The following DOCK9 variants were observed in gnomAD, a reference collection of about 807,000 sequenced individuals.
DOCK9 encodes dedicator of cytokinesis protein 9.
In DOCK9, 89 loss-of-function variants were observed where a neutral mutation model predicts 263.3. That is an observed-to-expected ratio of 0.34 (90% CI 0.28 to 0.40). The LOEUF is 0.40. Among genes scored for constraint, DOCK9 ranks in the 10% least tolerant of loss-of-function variants. DOCK9 has a pLI of 1.00. For missense variants in DOCK9, 2,140 were observed against 2,603.4 expected (o/e 0.82, Z 3.87); for synonymous variants, 976 against 973.1 (o/e 1.00, Z -0.06).
intron 45 of DOCK9, among the ~76,000 whole-genome samples, chr13:98,817,735 G>A (rs1424475705): frequency 7.5e-6 from 1 of 134,018 alleles, no homozygotes; most frequent in Non-Finnish European, 1.5e-5. Flanking sequence ...ACATGATACA[G>A]ATAATTGAGT....
chr13:98,819,316 T>C (rs1256513556), intron 45 of DOCK9, among the ~76,000 whole-genome samples: 1 of 152,214 alleles, frequency 6.6e-6, no homozygotes, highest in Non-Finnish European at 1.5e-5. Context: ...ATTCCTGAAC[T>C]AGCACACGGC....
At chr13:98,898,929 C>A (rs1254895232) in intron 13 of DOCK9, among the ~76,000 whole-genome samples, 2 of 152,006 alleles carry the variant, frequency 1.3e-5, no homozygotes, top group Non-Finnish European at 1.5e-5. Context: ...TCATCTATAC[C>A]CCTATTGCTA....
intron 27 of DOCK9, among the ~76,000 whole-genome samples, chr13:98,876,186 T>C (rs1330812777): frequency 6.6e-6 from 1 of 152,226 alleles, no homozygotes; most frequent in Non-Finnish European, 1.5e-5. Context: ...TGCCTCGTCA[T>C]GACACTTCAA....
chr13:98,970,233 A>G (rs1288494985), intron 1 of DOCK9, among the ~76,000 whole-genome samples: 1 of 152,182 alleles, frequency 6.6e-6, no homozygotes, highest in Non-Finnish European at 1.5e-5. Flanking sequence ...CCTGGCCTTA[A>G]GCAATTCTCT....
At chr13:98,987,808 G>C (rs1305514041) in intron 1 of DOCK9, among the ~76,000 whole-genome samples, 2 of 152,238 alleles carry the variant, frequency 1.3e-5, no homozygotes, top group East Asian at 1.9e-4. Flanking sequence ...GTAAATAATA[G>C]ATCCAAATAT....
At chr13:98,800,914 T>C (rs2090041028) in intron 49 of DOCK9, among the ~76,000 whole-genome samples, 1 of 152,226 alleles carries the variant, frequency 6.6e-6, no homozygotes, top group Non-Finnish European at 1.5e-5. Flanking sequence ...TTCATTTTTG[T>C]CCATAGAATA....
At chr13:98,974,653 G>A (rs1187148091) in intron 1 of DOCK9, among the ~76,000 whole-genome samples, 5 of 144,838 alleles carry the variant, frequency 3.5e-5, no homozygotes, top group African/African-American at 1.3e-4. Flanking sequence ...AGGAGGCTGA[G>A]ACAGGAGAAT....
chr13:99,068,018 A>G (rs2041501576), intron 1 of DOCK9, among the ~76,000 whole-genome samples: 2 of 152,004 alleles, frequency 1.3e-5, no homozygotes, highest in Admixed American at 1.3e-4. Context: ...AGTACCCCAC[A>G]TGTGGTTCTC....
intron 1 of DOCK9, among the ~76,000 whole-genome samples, chr13:99,084,698 G>C (rs1300431965): frequency 6.6e-6 from 1 of 152,180 alleles, no homozygotes; most frequent in African/African-American, 2.4e-5. Flanking sequence ...CAGCACTTTG[G>C]AAATCATGGC....
Position 98,809,498 on chromosome 13 carries a change from T to C in DOCK9, c.5254-33A>G, listed in dbSNP as rs751729155. On this transcript the variant is annotated intron_variant, in intron 46 of 52. Transcript: ENST00000682017. ...GCAGAACAAAGCCCATTTCTTCCCATGTGCAAAGAGGAGAATCGATTTTAA... is the reference window on the plus strand; with the variant it reads ...GCAGAACAAAGCCCATTTCTTCCCACGTGCAAAGAGGAGAATCGATTTTAA... 15 of 1,526,126 alleles carry C rather than the reference T, an allele frequency of 9.8e-6. No individual in the cohort carries two copies. The East Asian group carries it at 2.1e-4, about 21-fold the overall frequency. 94.5% of individuals were successfully genotyped at this position (1,526,126 alleles called of 1,614,324 possible). A position where few individuals can be genotyped will look rare whatever the true frequency, so the allele number is the denominator to read the frequency against.
rs777123186 is a variant in DOCK9 at position 98,800,269 on chromosome 13, C to T, written c.5916+19G>A. 8.3e-6 allele frequency: 13 copies of T among 1,575,266 alleles called. No individual in the cohort carries two copies. In the South Asian group the frequency reaches 1.5e-4, roughly 18 times the overall value. ...AAGGACGTCCCCTGCTGCCCTCCGG[C>T]CTGCTGTGCCTGGCTCACCTGAACA... On this transcript the variant is annotated intron_variant, in intron 50 of 52. Transcript: ENST00000682017.
intron 1 of DOCK9, among the ~76,000 whole-genome samples, chr13:98,971,478 T>C (rs12877887): frequency 0.38 from 29,384 of 77,828 alleles, 9,120 homozygotes; most frequent in East Asian, 0.77. Flanking sequence ...GAGGCCAAGG[T>C]GGGCGGATCA....
intron 49 of DOCK9, 64 bp downstream of exon 49, chr13:98,804,935 C>T (rs1029521847): frequency 7.5e-5 from 113 of 1,513,400 alleles, no homozygotes; most frequent in Non-Finnish European, 9.6e-5. Context: ...GCTTCTGAAT[C>T]CCTCTGGACA....
At chr13:99,051,449 C>G (rs9517569) in intron 1 of DOCK9, among the ~76,000 whole-genome samples, 180 of 152,278 alleles carry the variant, frequency 1.2e-3, no homozygotes, top group South Asian at 4.8e-3. Context: ...CATTCTTCTA[C>G]CTTCTCTCTT....
intron 31 of DOCK9, 61 bp downstream of exon 31, chr13:98,863,309 T>C: frequency 1.9e-6 from 3 of 1,575,616 alleles, no homozygotes; most frequent in Non-Finnish European, 2.6e-6. Context: ...ATTACTTTCT[T>C]TACACCACTT....
At chr13:99,074,596 T>C (rs1475391386) in intron 1 of DOCK9, among the ~76,000 whole-genome samples, 1 of 151,622 alleles carries the variant, frequency 6.6e-6, no homozygotes, top group Non-Finnish European at 1.5e-5. Context: ...CCTCCCCCAT[T>C]ATCTTCATGT....
chr13:98,923,720 C>T (rs1283209786), intron 4 of DOCK9, among the ~76,000 whole-genome samples: 1 of 152,144 alleles, frequency 6.6e-6, no homozygotes, highest in African/African-American at 2.4e-5. Flanking sequence ...TGAGTTGTTG[C>T]GTTGAAACCG....
Position 98,794,694 on chromosome 13 carries a change from T to C in DOCK9, c.6211A>G (p.Asn2071Asp). Residue 2071 changes from asparagine to aspartate, a missense_variant, in exon 53 of 53, where the codon AAC becomes GAC. This residue lies in a region of DOCK9 where 619 missense variants were observed against 861.8 expected (regional missense o/e 0.72). Transcript: ENST00000682017. ...CTTGTTGGAGTCCCACTGATGGCGT[T>C]GAAGATGTGAAGGGAATTCGGTAAG... is the stretch of plus-strand genomic sequence containing the variant. ...SVLPNSLHIF[N>D]AISGTPTSTM... The C allele has an allele frequency of 6.2e-7, 1 of 1,613,860 alleles. No individual in the cohort carries two copies. The highest frequency in any genetic ancestry group is 1.3e-5 in the African/African-American group (1 of 75,012).
intron 1 of DOCK9, among the ~76,000 whole-genome samples, chr13:99,043,944 T>C (rs560581971): frequency 1.3e-5 from 2 of 152,294 alleles, no homozygotes; most frequent in Admixed American, 6.5e-5. Flanking sequence ...ATACACTGCC[T>C]GGCACCAGAG....
Sources: gnomAD v4.1 joint callset for allele counts (sites outside exome capture counted in the v4.1 genomes callset) on GRCh38, gnomAD v4.1.1 for gene constraint, gnomAD v4.1.1 regional missense constraint, MANE v1.5 for transcripts, NCBI Gene and HGNC (gene_info 2026-07-23, HGNC 2026-07-21) for gene names.